The following CDC42BPA variants were observed in gnomAD, a reference collection of about 807,000 sequenced individuals.
The protein encoded by CDC42BPA is serine/threonine-protein kinase MRCK alpha.
A neutral mutation model predicts 223.5 loss-of-function variants in CDC42BPA; 80 were observed. That is an observed-to-expected ratio of 0.36 (90% confidence interval 0.30 to 0.43). The LOEUF is 0.43. Ranked by LOEUF, CDC42BPA falls within the 20% of genes least tolerant of loss-of-function variation. The pLI, the probability that CDC42BPA is intolerant of heterozygous loss-of-function variation, is 1.00. For missense variants in CDC42BPA, 1,743 were observed against 2,099.9 expected (o/e 0.83, Z 3.32); for synonymous variants, 694 against 718.6 (o/e 0.97, Z 0.55).
chr1:227,234,912 A>AT (rs34238023), intron 2 of CDC42BPA: 47,477 of 146,788 alleles, frequency 0.32, 7,527 homozygotes, highest in Middle Eastern at 0.43. Context: ...AGATTTTGTG[A>AT]TTTTTTTTTT....
intron 35 of CDC42BPA, chr1:227,004,441 A>G (rs1663583402): frequency 6.3e-6 from 1 of 159,112 alleles, no homozygotes; most frequent in Admixed American, 5.8e-5. Context: ...TTGAAAGAAA[A>G]TTCTTCCCTA....
intron 5 of CDC42BPA, among the ~76,000 whole-genome samples, chr1:227,173,598 T>C (rs1913343): frequency 0.9 from 137,154 of 152,034 alleles, 62,306 homozygotes; most frequent in Middle Eastern, 0.96. Context: ...CTATAAAAAC[T>C]AAAGGCTTAG....
intron 1 of CDC42BPA, among the ~76,000 whole-genome samples, chr1:227,266,511 T>C (rs529564765): frequency 6.6e-6 from 1 of 152,304 alleles, no homozygotes; most frequent in East Asian, 1.9e-4. Context: ...TCACTGTTAG[T>C]TGTATTGTTA....
chr1:227,261,863 G>A (rs1173266323), intron 1 of CDC42BPA, among the ~76,000 whole-genome samples: 4 of 152,122 alleles, frequency 2.6e-5, no homozygotes, highest in African/African-American at 7.2e-5. Context: ...GTGTTGGTGG[G>A]GGGCAGCATA....
chr1:227,114,017 C>CAAAAAAAAAAAAAGAAAAAAAAAAAAAAA (rs374913161), intron 12 of CDC42BPA, among the ~76,000 whole-genome samples: 1 of 120,294 alleles, frequency 8.3e-6, no homozygotes, highest in Admixed American at 8.5e-5. Flanking sequence ...GACTCCAACT[C>CAAAAAAAAAAAAAGAAAAAAAAAAAAAAA]AAAAAAAAAG....
intron 11 of CDC42BPA, among the ~76,000 whole-genome samples, chr1:227,124,865 T>C (rs1344106724): frequency 6.6e-6 from 1 of 152,142 alleles, no homozygotes; most frequent in Non-Finnish European, 1.5e-5. Flanking sequence ...AAGGAATAGA[T>C]ATATTTCCCA....
At chr1:227,012,721 T>C (rs534815159) in intron 34 of CDC42BPA, among the ~76,000 whole-genome samples, 3 of 152,292 alleles carry the variant, frequency 2.0e-5, no homozygotes, top group African/African-American at 7.2e-5. Flanking sequence ...TTCATCTTTA[T>C]TTTATGAGAC....
At chr1:227,307,381 TTC>T (rs950902363) in intron 1 of CDC42BPA, among the ~76,000 whole-genome samples, 2 of 152,206 alleles carry the variant, frequency 1.3e-5, no homozygotes, top group African/African-American at 2.4e-5. Context: ...ATTAACCACT[TTC>T]TGTCACACAA....
At chr1:227,126,860 A>T (rs1298554366) in intron 11 of CDC42BPA, among the ~76,000 whole-genome samples, 1 of 152,224 alleles carries the variant, frequency 6.6e-6, no homozygotes, top group Non-Finnish European at 1.5e-5. Context: ...CCCCAAGATT[A>T]AGAAGCTAGA....
intron 1 of CDC42BPA, among the ~76,000 whole-genome samples, chr1:227,308,277 C>T (rs561829349): frequency 2.0e-5 from 3 of 152,060 alleles, no homozygotes; most frequent in South Asian, 2.1e-4. Context: ...AGACCTAGCC[C>T]GGTGGATTGC....
chr1:227,141,193 C>T (rs1303957615), intron 9 of CDC42BPA, among the ~76,000 whole-genome samples: 2 of 152,118 alleles, frequency 1.3e-5, no homozygotes, highest in African/African-American at 2.4e-5. Flanking sequence ...TGGGGGCACA[C>T]ACCTGACTGG....
chr1:227,317,444 A>C lies in CDC42BPA; in HGVS notation c.-262T>G. On this transcript the variant is annotated 5_prime_UTR_variant, in exon 1 of 37. It adds an upstream start codon to the 5' untranslated region. Coordinates refer to ENST00000366766, the MANE Select transcript of CDC42BPA (RefSeq NM_001394014.1). ...ACTTAATGCATTTTTAAAAGAATACAATTAAGTCGTATATTTAAATAAAAT... is the reference window on the plus strand; with the variant it reads ...ACTTAATGCATTTTTAAAAGAATACCATTAAGTCGTATATTTAAATAAAAT... 1 of 404,382 alleles carries C rather than the reference A, an allele frequency of 2.5e-6. No homozygotes were observed. The allele number at this position is 404,382 out of a possible 1,614,324, so 25.0% of individuals were successfully genotyped here. A position where few individuals can be genotyped will look rare whatever the true frequency, so the allele number is the denominator to read the frequency against.
At chr1:227,035,758 C>T (rs1670094495) in intron 24 of CDC42BPA, 151 bp from the exon 25 acceptor site, 2 of 559,280 alleles carry the variant, frequency 3.6e-6, no homozygotes, top group Admixed American at 3.8e-5. Context: ...GTAGCTGATT[C>T]ATTTGCTTAC....
intron 22 of CDC42BPA, among the ~76,000 whole-genome samples, chr1:227,049,631 G>A (rs1390063122): frequency 1.3e-5 from 2 of 152,094 alleles, no homozygotes; most frequent in Non-Finnish European, 2.9e-5. Flanking sequence ...CACCATACCA[G>A]GTATCAGGAA....
At chr1:227,123,722 T>C (rs1689069941) in intron 11 of CDC42BPA, among the ~76,000 whole-genome samples, 1 of 152,218 alleles carries the variant, frequency 6.6e-6, no homozygotes, top group South Asian at 2.1e-4. Flanking sequence ...ACAAGATGGA[T>C]AGTTTCATTT....
chr1:227,040,068 A>G (rs1343264501), intron 24 of CDC42BPA, 63 bp downstream of exon 24: 2 of 1,006,430 alleles, frequency 2.0e-6, no homozygotes, highest in African/African-American at 1.6e-5. Flanking sequence ...TTTGAAAGAG[A>G]ATCAACTTAT....
At chr1:226,996,759 G>A (rs1452318079) in intron 35 of CDC42BPA, among the ~76,000 whole-genome samples, 3 of 152,164 alleles carry the variant, frequency 2.0e-5, no homozygotes, top group South Asian at 2.1e-4. Context: ...GATGGATTAC[G>A]TTTATTGACT....
chr1:227,045,530 T>C (rs1355522813), intron 23 of CDC42BPA, among the ~76,000 whole-genome samples: 1 of 152,206 alleles, frequency 6.6e-6, no homozygotes, highest in Non-Finnish European at 1.5e-5. Context: ...AAAAAGTCTT[T>C]TACTTACTTG....
intron 2 of CDC42BPA, among the ~76,000 whole-genome samples, chr1:227,229,677 A>G (rs942268865): frequency 4.6e-5 from 7 of 152,130 alleles, no homozygotes; most frequent in Non-Finnish European, 1.0e-4. Context: ...TCTTTTAGCA[A>G]TATCTTCTGG....
Sources: gnomAD v4.1 joint callset for allele counts (sites outside exome capture counted in the v4.1 genomes callset) on GRCh38, gnomAD v4.1.1 for gene constraint, MANE v1.5 for transcripts, NCBI Gene and HGNC (gene_info 2026-07-23, HGNC 2026-07-21) for gene names.